LRP2: variants seen among roughly 807,000 people sequenced by gnomAD.
The protein encoded by LRP2 is LDL receptor related protein 2.
In LRP2, 172 loss-of-function variants were observed where a neutral mutation model predicts 531.0. That is an observed-to-expected ratio of 0.32 (90% CI 0.29 to 0.37). The LOEUF is 0.37. Ranked by LOEUF, LRP2 falls within the 10% of genes least tolerant of loss-of-function variation. The pLI is 1.00. For missense variants in LRP2, 5,167 were observed against 5,868.3 expected, an observed-to-expected ratio of 0.88 and a Z score of 3.90; for synonymous variants, 1,992 against 2,027.6, an observed-to-expected ratio of 0.98 and a Z score of 0.47.
At chr2:169,315,959 C>CAAAAAAAAA (rs536458606) in intron 3 of LRP2, among the ~76,000 whole-genome samples, 17 of 73,730 alleles carry the variant, frequency 2.3e-4, no homozygotes, top group South Asian at 5.2e-4. Context: ...CCCATCTCTA[C>CAAAAAAAAA]AAAAAAAAAA....
At chr2:169,174,579 G>A (rs747885664) in intron 55 of LRP2, among the ~76,000 whole-genome samples, 3 of 151,858 alleles carry the variant, frequency 2.0e-5, no homozygotes, top group African/African-American at 7.3e-5. Context: ...GCACGATCTC[G>A]GCTCACTGCA....
rs35734447 is a variant in LRP2, at chr2:169,185,735, T to C, written c.9613A>G (p.Asn3205Asp). The C allele has an allele frequency of 3.7e-3, 5,915 of 1,613,952 alleles. 18 individuals are homozygous for C. Among genetic ancestry groups the C allele is most frequent in the Non-Finnish European group, 3.6e-3 (4,254 of 1,179,996 alleles). Residue 3205 changes from asparagine to aspartate, a missense_variant, in exon 50 of 79, where the codon AAC becomes GAC. Physicochemically the swap from Asn to Asp is conservative, Grantham distance 23. This residue lies in a region of LRP2 where 1,129 missense variants were observed against 1,362.7 expected (regional missense o/e 0.83). Transcript: ENST00000649046. ...GTTAAATTTCTCAAATAGTAACGGT[T>C]GCTAAAAATGAGATAGGGTTCGATG... ...SNIEPYLIFS[N>D]RYYLRNLTID...
intron 67 of LRP2, 69 bp downstream of exon 67, chr2:169,152,730 A>G: frequency 1.9e-6 from 3 of 1,547,436 alleles, no homozygotes; most frequent in Admixed American, 1.7e-5. Flanking sequence ...CTCATGGCCC[A>G]TGGAGTGCAG....
chr2:169,348,188 A>G (rs77073020), intron 1 of LRP2, among the ~76,000 whole-genome samples: 6,724 of 152,246 alleles, frequency 0.044, 515 homozygotes, highest in African/African-American at 0.15. Context: ...TATAGAAAGC[A>G]CTCAAATAAT....
chr2:169,291,695 C>A (rs1371922036), intron 7 of LRP2, among the ~76,000 whole-genome samples: 1 of 58,212 alleles, frequency 1.7e-5, no homozygotes, highest in Non-Finnish European at 3.6e-5. Flanking sequence ...ATAGTAGCTT[C>A]TCCTACACTT....
intron 65 of LRP2, among the ~76,000 whole-genome samples, chr2:169,155,189 A>G (rs1236751594): frequency 6.6e-6 from 1 of 152,206 alleles, no homozygotes; most frequent in Non-Finnish European, 1.5e-5. Context: ...TGCACTGTCT[A>G]GAATTTGTTA....
At chr2:169,177,744 A>C (rs1574100773) in intron 53 of LRP2, 59 bp downstream of exon 53, 1 of 1,377,676 alleles carries the variant, frequency 7.3e-7, no homozygotes, top group Non-Finnish European at 1.0e-6. Flanking sequence ...GCTTAAAGAC[A>C]ATCATGACAT....
intron 1 of LRP2, among the ~76,000 whole-genome samples, chr2:169,361,802 G>C (rs976059216): frequency 6.6e-6 from 1 of 152,210 alleles, no homozygotes; most frequent in African/African-American, 2.4e-5. Flanking sequence ...TGTATGGTGA[G>C]AGCGGTCTCT....
chr2:169,179,081 C>T (rs1317100500), intron 52 of LRP2, among the ~76,000 whole-genome samples: 1 of 151,976 alleles, frequency 6.6e-6, no homozygotes, highest in African/African-American at 2.4e-5. Context: ...ACAATGTTGG[C>T]TCACTGCAAC....
intron 77 of LRP2, among the ~76,000 whole-genome samples, chr2:169,131,254 AGTGT>A (rs3835382): frequency 0.37 from 55,235 of 148,282 alleles, 10,191 homozygotes; most frequent in East Asian, 0.6. Flanking sequence ...TGAGTGTATG[AGTGT>A]GTGTGTGTGT....
chr2:169,199,018 G>C, intron 44 of LRP2, 107 bp from the exon 45 acceptor site: 1 of 1,197,018 alleles, frequency 8.4e-7, no homozygotes, highest in Non-Finnish European at 1.2e-6. Context: ...CACTGGAAGG[G>C]CGGCATTTTC....
intron 37 of LRP2, among the ~76,000 whole-genome samples, chr2:169,211,022 AGC>A: frequency 6.6e-6 from 1 of 152,316 alleles, no homozygotes; most frequent in East Asian, 1.9e-4. Flanking sequence ...TTTAATGAAA[AGC>A]TGGGAGAAAA....
At chr2:169,141,570 G>T (rs989785592) in intron 71 of LRP2, among the ~76,000 whole-genome samples, 1 of 152,218 alleles carries the variant, frequency 6.6e-6, no homozygotes, top group South Asian at 2.1e-4. Context: ...GCCATCATTC[G>T]TGTGCTTACT....
chr2:169,143,547 G>A (rs1685803828), intron 70 of LRP2, among the ~76,000 whole-genome samples: 1 of 152,214 alleles, frequency 6.6e-6, no homozygotes, highest in Non-Finnish European at 1.5e-5. Context: ...TCAGGAGGCT[G>A]AGGCAGGAGA....
In LRP2 at chr2:169,220,476, T is replaced by C. The variant is rs763254934; in HGVS notation, c.5626A>G (p.Ile1876Val). The change falls in exon 34 of 79, where the codon ATA becomes GTA. Residue 1876 changes from isoleucine to valine, a missense_variant. By Grantham distance (29) the Ile-to-Val change is conservative. Around this residue, in one of 6 missense-constraint regions of LRP2, gnomAD observed 2,811 missense variants for 3,058.0 expected, o/e 0.92. Coordinates refer to ENST00000649046, the MANE Select transcript of LRP2 (RefSeq NM_004525.3). ...TALGVGFPIGITVDPARGKLY... is the reference protein window; with the variant it reads ...TALGVGFPIGVTVDPARGKLY... The stretch of plus-strand genomic sequence containing the variant: ...CACCCACGAGCAGGATCAACAGTTA[T>C]GCCAATTGGAAAGCCAACTCCAAGA... 1.2e-5 allele frequency: 19 copies of C among 1,613,424 alleles called. No individual in the cohort carries two copies. The highest frequency in any genetic ancestry group is 1.7e-5 in the Admixed American group (1 of 59,948).
chr2:169,229,092 AGCATCTAGAGG>A (rs571239760), intron 31 of LRP2, among the ~76,000 whole-genome samples: 90 of 152,344 alleles, frequency 5.9e-4, no homozygotes, highest in African/African-American at 2.1e-3. Flanking sequence ...CAAGGAACGC[AGCATCTAGAGG>A]GCAAGACCAA....
intron 64 of LRP2, among the ~76,000 whole-genome samples, chr2:169,156,961 T>C (rs561633156): frequency 1.3e-5 from 2 of 152,356 alleles, no homozygotes; most frequent in South Asian, 2.1e-4. Context: ...TCTGACTCCA[T>C]ACCTTACAAC....
chr2:169,318,601 T>C (rs578019630), intron 3 of LRP2, among the ~76,000 whole-genome samples, 161 bp downstream of exon 3: 109 of 152,336 alleles, frequency 7.2e-4, no homozygotes, highest in African/African-American at 2.1e-3. Flanking sequence ...ACTTTCAATA[T>C]CATCCAACCC....
In LRP2 at chr2:169,243,087, G is replaced by T; in HGVS notation, c.3551-15C>A. On this transcript the variant is annotated splice_polypyrimidine_tract_variant and intron_variant, in intron 23 of 78. Transcript: ENST00000649046. The stretch of plus-strand genomic sequence containing the variant: ...ACAGTTTAATACTAAGAATGAAAGA[G>T]AAAAGCATTAGAAATTAGCTCAGGG... 5.1e-6 allele frequency: 8 copies of T among 1,579,686 alleles called. No homozygotes were observed. The highest frequency in any genetic ancestry group is 7.0e-6 in the Non-Finnish European group (8 of 1,148,798).
Sources: allele counts gnomAD v4.1 joint callset (sites outside exome capture counted in the v4.1 genomes callset), GRCh38; gene constraint gnomAD v4.1.1; regional missense constraint gnomAD v4.1.1; transcripts MANE v1.5; gene names NCBI Gene and HGNC (gene_info 2026-07-23, HGNC 2026-07-21).